The following PANX1 variants were observed in gnomAD, a reference collection of about 807,000 sequenced individuals.
PANX1 encodes pannexin-1.
A neutral mutation model predicts 38.7 loss-of-function variants in PANX1; 30 were observed. The observed-to-expected ratio is 0.78, with a 90% confidence interval of 0.58 to 1.05. The LOEUF is 1.05. PANX1 is among the 50% of genes least tolerant of loss of function. The pLI is 0.00. For synonymous variants in PANX1, 230 were observed against 212.2 expected (o/e 1.08, Z -0.73); for missense variants, 551 against 517.2 (o/e 1.07, Z -0.63).
Position 94,175,240 on chromosome 11 carries a change from A to C in PANX1, c.322-3129A>C, listed in dbSNP as rs1428746173. ...TTACTACATTTTTATAGAATCACTG[A>C]AAGTTGCCTTTTTATTTTGGTGGGA... On this transcript the variant is annotated intron_variant, in intron 2 of 4. Transcript: ENST00000227638. 2.6e-5 allele frequency among the ~76,000 whole-genome samples: 4 copies of C among 151,742 alleles called. No individual in the cohort carries two copies. The South Asian group carries it at 8.3e-4, about 31-fold the overall frequency.
chr11:94,134,523 A>G (rs1946664763), intron 1 of PANX1, among the ~76,000 whole-genome samples: 1 of 152,132 alleles, frequency 6.6e-6, no homozygotes, highest in African/African-American at 2.4e-5. Context: ...CTGATCCCCA[A>G]TGTGATGCTA....
At chr11:94,177,658 C>T (rs1053681838) in intron 2 of PANX1, among the ~76,000 whole-genome samples, 13 of 152,094 alleles carry the variant, frequency 8.5e-5, no homozygotes, top group East Asian at 3.8e-4. Flanking sequence ...CCCTCTCTGA[C>T]GTGTGAATCC....
intron 2 of PANX1, among the ~76,000 whole-genome samples, chr11:94,169,677 G>A (rs908180025): frequency 6.6e-6 from 1 of 151,540 alleles, no homozygotes; most frequent in African/African-American, 2.4e-5. Flanking sequence ...GAAAACAGCC[G>A]CATGCCCACA....
intron 1 of PANX1, among the ~76,000 whole-genome samples, chr11:94,143,785 A>G (rs1946793238): frequency 6.7e-6 from 1 of 149,444 alleles, no homozygotes. Context: ...GTCTCTCTAT[A>G]TTGCCCAGAC....
intron 1 of PANX1, among the ~76,000 whole-genome samples, chr11:94,143,169 G>A (rs778584153): frequency 2.0e-5 from 3 of 152,120 alleles, no homozygotes; most frequent in Non-Finnish European, 2.9e-5. Context: ...TTTCTTTGTC[G>A]CAAGAACTAC....
chr11:94,177,670 C>T (rs1363771099), intron 2 of PANX1, among the ~76,000 whole-genome samples: 1 of 152,076 alleles, frequency 6.6e-6, no homozygotes, highest in Non-Finnish European at 1.5e-5. Context: ...TGTGAATCCC[C>T]TCTTGTTTGG....
intron 4 of PANX1, 80 bp from the exon 5 acceptor site, chr11:94,180,710 T>G: frequency 1.2e-6 from 1 of 804,126 alleles, no homozygotes; most frequent in South Asian, 1.5e-5. Context: ...TGAGAGGAAT[T>G]TTTGGCAGAA....
chr11:94,173,140 A>G (rs1947187716), intron 2 of PANX1, among the ~76,000 whole-genome samples: 1 of 151,804 alleles, frequency 6.6e-6, no homozygotes, highest in Non-Finnish European at 1.5e-5. Flanking sequence ...TCCTTCATGC[A>G]TCTTTTTACT....
chr11:94,136,397 T>C (rs1228244273), intron 1 of PANX1, among the ~76,000 whole-genome samples: 1 of 152,232 alleles, frequency 6.6e-6, no homozygotes, highest in African/African-American at 2.4e-5. Context: ...TCCTAACATT[T>C]ACCATAACTT....
chr11:94,151,754 A>G (rs1946884943), intron 1 of PANX1, among the ~76,000 whole-genome samples: 1 of 152,210 alleles, frequency 6.6e-6, no homozygotes, highest in South Asian at 2.1e-4. Context: ...ACCTTGAAAT[A>G]TCTTACCTGT....
At position 94,180,890 on chromosome 11, in the gene PANX1, T is replaced by A; in HGVS notation, c.*21T>A. The A allele has an allele frequency of 7.1e-7, 1 of 1,414,490 alleles. No individual in the cohort carries two copies. The highest frequency in any genetic ancestry group is 1.0e-6 in the Non-Finnish European group (1 of 997,964). 87.6% of individuals were successfully genotyped at this position (1,414,490 alleles called of 1,614,324 possible). A position where few individuals can be genotyped will look rare whatever the true frequency, so the allele number is the denominator to read the frequency against. On this transcript the variant is annotated 3_prime_UTR_variant, in exon 5 of 5. Coordinates refer to ENST00000227638, the MANE Select transcript of PANX1 (RefSeq NM_015368.4). Reference sequence around the variant, plus strand: ...GCTGATGATTTTTTTCCTTGAGCTGTAAATCTGTGACTTCTGCGACATGGG... The same window carrying A: ...GCTGATGATTTTTTTCCTTGAGCTGAAAATCTGTGACTTCTGCGACATGGG...
intron 1 of PANX1, among the ~76,000 whole-genome samples, chr11:94,150,939 T>C (rs1946877294): frequency 6.6e-6 from 1 of 152,102 alleles, no homozygotes; most frequent in Non-Finnish European, 1.5e-5. Context: ...GGTGACTGGC[T>C]TAGAGAGGAG....
intron 1 of PANX1, 52 bp from the exon 2 acceptor site, chr11:94,153,439 A>G (rs1218159241): frequency 8.8e-6 from 14 of 1,594,212 alleles, no homozygotes; most frequent in Non-Finnish European, 1.2e-5. Context: ...GATGGGGACA[A>G]GAGTCCAGGT....
intron 2 of PANX1, among the ~76,000 whole-genome samples, chr11:94,178,061 C>G (rs948286877): frequency 6.8e-6 from 1 of 148,132 alleles, no homozygotes; most frequent in Admixed American, 6.7e-5. Flanking sequence ...GGATTTTGTT[C>G]AGGGAACGGG....
intron 1 of PANX1, among the ~76,000 whole-genome samples, chr11:94,149,321 A>C (rs1027442321): frequency 4.6e-5 from 7 of 152,122 alleles, no homozygotes; most frequent in Admixed American, 2.6e-4. Flanking sequence ...ATTTATAGGT[A>C]CAGGTCAAGG....
chr11:94,149,271 C>A (rs1171201655), intron 1 of PANX1, among the ~76,000 whole-genome samples: 1 of 152,142 alleles, frequency 6.6e-6, no homozygotes, highest in Non-Finnish European at 1.5e-5. Context: ...TCACCCCAGC[C>A]CCAGTCCTAT....
chr11:94,175,854 C>T (rs2134522844), intron 2 of PANX1: 1 of 984,702 alleles, frequency 1.0e-6, no homozygotes, highest in East Asian at 1.1e-4. Flanking sequence ...ACACCTCATC[C>T]CGTGCCAGAA....
chr11:94,157,418 T>C (rs1460323208), intron 2 of PANX1, among the ~76,000 whole-genome samples: 1 of 152,228 alleles, frequency 6.6e-6, no homozygotes, highest in Non-Finnish European at 1.5e-5. Flanking sequence ...GACTTTTTAA[T>C]GATCGCCATT....
chr11:94,133,852 G>A (rs1946657467), intron 1 of PANX1, among the ~76,000 whole-genome samples: 1 of 152,170 alleles, frequency 6.6e-6, no homozygotes, highest in South Asian at 2.1e-4. Context: ...TTTAGTGAAG[G>A]AAGTGCCAGA....
Sources: gnomAD v4.1 joint callset for allele counts (sites outside exome capture counted in the v4.1 genomes callset) on GRCh38, gnomAD v4.1.1 for gene constraint, MANE v1.5 for transcripts, NCBI Gene and HGNC (gene_info 2026-07-23, HGNC 2026-07-21) for gene names.